The following SLC4A8 variants were observed in gnomAD, a reference collection of about 807,000 sequenced individuals.
SLC4A8 encodes the protein solute carrier family 4 member 8.
A neutral mutation model predicts 125.0 loss-of-function variants in SLC4A8; 40 were observed. The ratio of observed to expected loss-of-function variants is 0.32; its 90% CI spans 0.25 to 0.42. SLC4A8 has a LOEUF of 0.42. SLC4A8 is among the 10% of genes least tolerant of loss of function. The pLI is 1.00. For missense variants in SLC4A8, 863 were observed against 1,355.1 expected (o/e 0.64, Z 5.70); for synonymous variants, 456 against 476.0 (o/e 0.96, Z 0.55).
At chr12:51,493,948 T>C (rs2138414347) in intron 20 of SLC4A8, among the ~76,000 whole-genome samples, 176 bp downstream of exon 20, 1 of 152,362 alleles carries the variant, frequency 6.6e-6, no homozygotes, top group African/African-American at 2.4e-5. Context: ...ACAGCCATGT[T>C]GGCAGGAGAG....
chr12:51,452,346 T>C, intron 4 of SLC4A8, 87 bp downstream of exon 4: 1 of 1,463,158 alleles, frequency 6.8e-7, no homozygotes, highest in Non-Finnish European at 9.5e-7. Flanking sequence ...CCTGCCTTAT[T>C]TCTTCTTGGG....
intron 10 of SLC4A8, among the ~76,000 whole-genome samples, 198 bp from the exon 11 acceptor site, chr12:51,463,416 T>TGG (rs1022896391): frequency 1.5e-5 from 2 of 136,278 alleles, no homozygotes; most frequent in Non-Finnish European, 1.7e-5. Context: ...ATGGGGTGTG[T>TGG]GTGTGTGTGT....
chr12:51,432,207 G>C (rs1213586807), intron 1 of SLC4A8, among the ~76,000 whole-genome samples: 1 of 151,714 alleles, frequency 6.6e-6, no homozygotes. Context: ...AGGAGATCGA[G>C]ACCATCCTGG....
chr12:51,495,392 T>C (rs1951433685), intron 21 of SLC4A8, among the ~76,000 whole-genome samples: 2 of 152,084 alleles, frequency 1.3e-5, no homozygotes, highest in African/African-American at 4.8e-5. Context: ...GTATTGATTA[T>C]TCTAGGTACG....
intron 1 of SLC4A8, among the ~76,000 whole-genome samples, chr12:51,414,085 C>T (rs558492969): frequency 6.6e-6 from 1 of 151,718 alleles, no homozygotes; most frequent in Non-Finnish European, 1.5e-5. Flanking sequence ...CTTGTGCCCT[C>T]TTCAATTTCT....
At position 51,462,375 on chromosome 12, in the gene SLC4A8, C is replaced by T. The variant is rs71449805; in HGVS notation, c.1167C>T (p.Phe389=). ...RDDLLAGIDE[F]LDQVTVLPPG... ...ATCTCCTGGCGGGGATTGATGAGTT[C>T]CTAGACCAGGTGACGGTGCTCCCTC... The change falls in exon 10 of 25, where the codon TTC becomes TTT. Residue 389 remains phenylalanine, a synonymous_variant. Coordinates refer to ENST00000453097, the MANE Select transcript of SLC4A8 (RefSeq NM_001039960.3). 55,638 of 1,612,946 alleles carry T rather than the reference C, an allele frequency of 0.034. 1,115 individuals are homozygous for T. The highest frequency in any genetic ancestry group is 0.04 in the Non-Finnish European group (47,202 of 1,179,482).
rs189489771 is a variant in SLC4A8, at chr12:51,512,296, G to C, written c.*4858G>C. On this transcript the variant is annotated 3_prime_UTR_variant, in exon 25 of 25. Transcript: ENST00000453097. ...TGACTTGCACTGGAATAAGTAGGAG[G>C]CTTTCCCCAAAGGATATGGAGACTG... The C allele has an allele frequency of 7.2e-5, 11 of 152,340 alleles. No individual in the cohort carries two copies. In the East Asian group the frequency reaches 1.5e-3, roughly 21 times the overall value. 9.4% of individuals were successfully genotyped at this position (152,340 alleles called of 1,614,324 possible).
intron 1 of SLC4A8, among the ~76,000 whole-genome samples, chr12:51,401,103 C>A (rs1422406298): frequency 6.6e-6 from 1 of 151,756 alleles, no homozygotes; most frequent in Non-Finnish European, 1.5e-5. Context: ...TTGGACAGTG[C>A]CAACATGTTT....
chr12:51,474,027 A>AAAAC (rs10635704), intron 14 of SLC4A8, among the ~76,000 whole-genome samples: 140,761 of 152,006 alleles, frequency 0.93, 65,229 homozygotes, highest in Non-Finnish European at 0.95. Flanking sequence ...GGCAAAAACA[A>AAAAC]AAAAACAAAA....
rs1938387516 is a variant in SLC4A8 at position 51,512,151 on chromosome 12, T to C, written c.*4713T>C. The C allele has an allele frequency of 6.6e-6, 1 of 152,248 alleles. No homozygotes were observed. The highest frequency in any genetic ancestry group is 1.5e-5 in the Non-Finnish European group (1 of 68,052). The allele number at this position is 152,248 out of a possible 1,614,324, so 9.4% of individuals were successfully genotyped here. A position where few individuals can be genotyped will look rare whatever the true frequency, so the allele number is the denominator to read the frequency against. ...TCAACAGGTTGCCGTAGTGATGATA[T>C]GATGCTGGACACAATCATTGTGCAC... On this transcript the variant is annotated 3_prime_UTR_variant, in exon 25 of 25. Transcript: ENST00000453097.
rs1274432935 is a variant in SLC4A8 at position 51,488,711 on chromosome 12, G to A, written c.2299G>A (p.Asp767Asn). ...TTTTCCCCCTTAGCCAACAAGGGATGATCGCGGATGGATTATTAATCCCAT... is the reference window on the plus strand; with the variant it reads ...TTTTCCCCCTTAGCCAACAAGGGATAATCGCGGATGGATTATTAATCCCAT... The part of the protein sequence containing the change: ...VPSVFKPTRD[D>N]RGWIINPIGP... The change falls in exon 18 of 25, where the codon GAT becomes AAT. Residue 767 changes from aspartate (D) to asparagine (N), a missense_variant. This residue lies in a region of SLC4A8 where 197 missense variants were observed against 377.7 expected (regional missense o/e 0.52). Coordinates refer to ENST00000453097, the MANE Select transcript of SLC4A8 (RefSeq NM_001039960.3). The A allele has an allele frequency of 6.2e-7, 1 of 1,613,294 alleles. No individual in the cohort carries two copies. Among genetic ancestry groups the A allele is most frequent in the Non-Finnish European group, 8.5e-7 (1 of 1,179,630 alleles).
rs376477623 is a variant in SLC4A8, at chr12:51,507,271, C to T, written c.3270-155C>T. On this transcript the variant is annotated intron_variant, in intron 24 of 24. Coordinates refer to ENST00000453097, the MANE Select transcript of SLC4A8 (RefSeq NM_001039960.3). ...TCCAGGCAGCTGTCGAAATGTATAA[C>T]GCACATGGTTATTTTTAGTTGAGAA... Among the ~76,000 whole-genome samples, 53 of 152,304 alleles carry T rather than the reference C, an allele frequency of 3.5e-4. 1 individual carries two copies. The East Asian group carries it at 9.2e-3, about 27-fold the overall frequency.
intron 9 of SLC4A8, chr12:51,461,539 A>G (rs1337105040): frequency 2.6e-6 from 1 of 386,088 alleles, no homozygotes; most frequent in African/African-American, 2.1e-5. Context: ...TGGGGAAACT[A>G]TTATTGCCAA....
intron 1 of SLC4A8, among the ~76,000 whole-genome samples, chr12:51,435,022 G>C (rs149265585): frequency 1.4e-3 from 206 of 152,290 alleles, no homozygotes; most frequent in African/African-American, 4.8e-3. Flanking sequence ...CTTTTGAGGG[G>C]ACAGAATCTG....
chr12:51,419,532 A>G (rs1948744640), intron 1 of SLC4A8, among the ~76,000 whole-genome samples: 1 of 152,226 alleles, frequency 6.6e-6, no homozygotes, highest in Non-Finnish European at 1.5e-5. Context: ...GGACTTGGCA[A>G]GTAGTCCTTG....
chr12:51,423,896 C>T (rs897663466), upstream of SLC4A8, among the ~76,000 whole-genome samples: 2 of 151,654 alleles, frequency 1.3e-5, no homozygotes, highest in Admixed American at 6.6e-5. Context: ...ATCAGCCGGG[C>T]GTGGTGGTGG....
chr12:51,493,384 TTGTGTG>T (rs747205789), intron 19 of SLC4A8, among the ~76,000 whole-genome samples: 13 of 149,270 alleles, frequency 8.7e-5, no homozygotes, highest in South Asian at 2.1e-4. Context: ...AGGGGTGCGT[TTGTGTG>T]TGTGTGTGTG....
chr12:51,471,232 T>G, intron 13 of SLC4A8, 55 bp from the exon 14 acceptor site: 1 of 1,556,130 alleles, frequency 6.4e-7, no homozygotes, highest in Non-Finnish European at 8.7e-7. Flanking sequence ...TTCTGACTCC[T>G]TGTCTCTTAA....
At chr12:51,461,719 T>C (rs529817222) in intron 9 of SLC4A8, 1 of 188,156 alleles carries the variant, frequency 5.3e-6, no homozygotes, top group African/African-American at 2.4e-5. Context: ...GTGAATGTCT[T>C]GACTAGTCTG....
Sources: allele counts gnomAD v4.1 joint callset (sites outside exome capture counted in the v4.1 genomes callset), GRCh38; gene constraint gnomAD v4.1.1; regional missense constraint gnomAD v4.1.1; transcripts MANE v1.5; gene names NCBI Gene and HGNC (gene_info 2026-07-23, HGNC 2026-07-21).